PRRC1: variants seen among roughly 807,000 people sequenced by gnomAD.
PRRC1 encodes protein PRRC1.
PRRC1 carries 39 observed loss-of-function variants against 40.7 expected under a neutral mutation model. The observed-to-expected ratio is 0.96, with a 90% CI of 0.74 to 1.25. The LOEUF is 1.25. PRRC1 is among the 50% of genes most tolerant of loss of function. The pLI, the probability that PRRC1 is intolerant of heterozygous loss-of-function variation, is 0.00. For missense variants in PRRC1, 573 were observed against 548.3 expected (o/e 1.05, Z -0.45); for synonymous variants, 175 against 193.3 (o/e 0.91, Z 0.79).
chr5:127,547,727 T>C lies in PRRC1; in HGVS notation c.1026-92T>C, dbSNP rs568083251. On this transcript the variant is annotated intron_variant, in intron 7 of 8. Transcript: ENST00000296666. The stretch of plus-strand genomic sequence containing the variant: ...GATTTCCTTTTTGAAATCTGTTCTA[T>C]CTGAATAATAGTACTTGTTTTTTCT... 17 of 768,642 alleles carry C rather than the reference T, an allele frequency of 2.2e-5. 1 individual carries two copies. The South Asian group carries it at 3.5e-4, about 16-fold the overall frequency. 47.6% of individuals were successfully genotyped at this position (768,642 alleles called of 1,614,324 possible).
At chr5:127,518,106 C>T (rs929151943) in intron 1 of PRRC1, 2 of 152,426 alleles carry the variant, frequency 1.3e-5, no homozygotes, top group Non-Finnish European at 2.9e-5. Context: ...CTGGCCCCAC[C>T]TTCCAGGGCG....
chr5:127,540,887 G>A (rs1050106002), intron 7 of PRRC1, among the ~76,000 whole-genome samples: 1 of 151,966 alleles, frequency 6.6e-6, no homozygotes, highest in African/African-American at 2.4e-5. Context: ...CTCCCATTTT[G>A]TAGGTTGCCT....
chr5:127,551,765 T>C lies in PRRC1; in HGVS notation c.1187T>C (p.Val396Ala). The C allele has an allele frequency of 6.2e-7, 1 of 1,614,078 alleles. No individual in the cohort carries two copies. Among genetic ancestry groups the C allele is most frequent in the Non-Finnish European group, 8.5e-7 (1 of 1,179,984 alleles). ...AGGTGGTCAGGCCTTTTGGTGACAG[T>C]GGGTGAAGTCCTGGAAAAGAGTTTA... ...NLRWSGLLVT[V>A]GEVLEKSLLN... is the part of the protein sequence containing the mutation. Residue 396 changes from valine (V) to alanine (A), a missense_variant, in exon 9 of 9, where the codon GTG (valine) becomes GCG (alanine). Transcript: ENST00000296666.
Position 127,526,700 on chromosome 5 carries a change from C to T in PRRC1, c.576C>T (p.Phe192=), listed in dbSNP as rs542742959. The change falls in exon 4 of 9, where the codon TTC becomes TTT. Residue 192 remains phenylalanine, a synonymous_variant. Coordinates refer to ENST00000296666, the MANE Select transcript of PRRC1 (RefSeq NM_130809.5). ...QGTGTTSAIT[F]PEEQEDPRIT... ...CTGGAACCACATCAGCCATTACTTT[C>T]CCAGAGGAGCAAGAAGACCCTAGAA... The T allele has an allele frequency of 6.2e-6, 10 of 1,613,578 alleles. No individual in the cohort carries two copies. In the African/African-American group the frequency reaches 9.3e-5, roughly 15 times the overall value.
rs966375386 is a variant in PRRC1 at position 127,552,849 on chromosome 5, G to A, written c.*933G>A. ...TTACTTCAATTAAGGTTACTTATTT[G>A]GTTTGCCTTAAGCATTACTTTTTTA... On this transcript the variant is annotated 3_prime_UTR_variant, in exon 9 of 9. Transcript: ENST00000296666. The A allele has an allele frequency of 3.0e-5, 30 of 984,014 alleles. No individual in the cohort carries two copies. Among genetic ancestry groups the A allele is most frequent in the Admixed American group, 6.2e-5 (1 of 16,244 alleles). 61.0% of individuals were successfully genotyped at this position (984,014 alleles called of 1,614,324 possible).
At chr5:127,521,878 G>A (rs10063666) in intron 1 of PRRC1, among the ~76,000 whole-genome samples, 3,922 of 151,906 alleles carry the variant, frequency 0.026, 167 homozygotes, top group African/African-American at 0.09. Context: ...TTCAAATCTC[G>A]GTTTATCTGT....
chr5:127,523,665 A>G (rs1767526688), intron 2 of PRRC1, 83 bp downstream of exon 2: 2 of 712,034 alleles, frequency 2.8e-6, no homozygotes, highest in Non-Finnish European at 4.4e-6. Context: ...TTAAGAAAAG[A>G]ATGCATATAT....
chr5:127,521,838 T>A (rs528072898), intron 1 of PRRC1, among the ~76,000 whole-genome samples: 13 of 152,304 alleles, frequency 8.5e-5, no homozygotes, highest in Non-Finnish European at 1.5e-4. Context: ...GACTCTGCCT[T>A]TCTTCCCTTG....
chr5:127,537,741 G>A (rs760232075), intron 6 of PRRC1, among the ~76,000 whole-genome samples: 1 of 151,814 alleles, frequency 6.6e-6, no homozygotes, highest in Non-Finnish European at 1.5e-5. Context: ...TAGTTTTTAC[G>A]GAATGAATGT....
intron 1 of PRRC1, among the ~76,000 whole-genome samples, chr5:127,522,366 T>G (rs1767481165): frequency 1.3e-5 from 2 of 152,310 alleles, no homozygotes; most frequent in African/African-American, 4.8e-5. Context: ...AAATTGTGAA[T>G]TAATGCTTTT....
At chr5:127,531,819 T>G (rs1439363075) in intron 5 of PRRC1, among the ~76,000 whole-genome samples, 1 of 151,796 alleles carries the variant, frequency 6.6e-6, no homozygotes, top group African/African-American at 2.4e-5. Flanking sequence ...TTCTCCATGT[T>G]GGCCAGGCTG....
chr5:127,540,909 T>C (rs1299034427), intron 7 of PRRC1, among the ~76,000 whole-genome samples: 3 of 152,060 alleles, frequency 2.0e-5, no homozygotes, highest in African/African-American at 7.2e-5. Flanking sequence ...TTCACTCTGA[T>C]GGTAATAGGA....
Position 127,551,949 on chromosome 5 carries a change from C to T in PRRC1, c.*33C>T. The T allele has an allele frequency of 6.2e-7, 1 of 1,612,378 alleles. No homozygotes were observed. Among genetic ancestry groups the T allele is most frequent in the South Asian group, 1.1e-5 (1 of 90,924 alleles). On this transcript the variant is annotated 3_prime_UTR_variant, in exon 9 of 9. Transcript: ENST00000296666. Reference sequence around the variant, plus strand: ...CCTACCTGGGAGACTGAGACTTTCCCCCACTTTTAGCTTGATGTTAAAGAA... The same window carrying T: ...CCTACCTGGGAGACTGAGACTTTCCTCCACTTTTAGCTTGATGTTAAAGAA...
In PRRC1 at chr5:127,552,716, A is replaced by C; in HGVS notation, c.*800A>C. On this transcript the variant is annotated 3_prime_UTR_variant, in exon 9 of 9. Coordinates refer to ENST00000296666, the MANE Select transcript of PRRC1 (RefSeq NM_130809.5). ...ATACTGTTCAGTACTTCCAAGAATA[A>C]GCTCTGACAACAGCCATTGTTTCTG... 1 of 983,386 alleles carries C rather than the reference A, an allele frequency of 1.0e-6. No individual in the cohort carries two copies. Among genetic ancestry groups the C allele is most frequent in the Non-Finnish European group, 1.2e-6 (1 of 827,680 alleles). 60.9% of individuals were successfully genotyped at this position (983,386 alleles called of 1,614,324 possible). A position where few individuals can be genotyped will look rare whatever the true frequency, so the allele number is the denominator to read the frequency against.
rs1767626176 is a variant in PRRC1 at position 127,526,684 on chromosome 5, C to T, written c.560C>T (p.Thr187Ile). Residue 187 changes from threonine to isoleucine, a missense_variant, in exon 4 of 9, where the codon ACA becomes ATA. Transcript: ENST00000296666. ...TCTCTGGCACAGGGAACTGGAACCACATCAGCCATTACTTTCCCAGAGGAG... is the reference window on the plus strand; with the variant it reads ...TCTCTGGCACAGGGAACTGGAACCATATCAGCCATTACTTTCCCAGAGGAG... ...LTSLAQGTGT[T>I]SAITFPEEQE... The T allele has an allele frequency of 6.2e-7, 1 of 1,613,598 alleles. No homozygotes were observed. Among genetic ancestry groups the T allele is most frequent in the Admixed American group, 1.7e-5 (1 of 59,992 alleles).
In PRRC1 at chr5:127,528,460, A is replaced by G. The variant is rs1767683187; in HGVS notation, c.654+1682A>G. The stretch of plus-strand genomic sequence containing the variant: ...CTCCCAAGTAGCTGGGATTACAGGC[A>G]TCTGCCTCCATGCCTGGCTAATTTT... On this transcript the variant is annotated intron_variant, in intron 4 of 8. Coordinates refer to ENST00000296666, the MANE Select transcript of PRRC1 (RefSeq NM_130809.5). 5.9e-5 allele frequency among the ~76,000 whole-genome samples: 9 copies of G among 151,954 alleles called. No individual in the cohort carries two copies. In the South Asian group the frequency reaches 1.9e-3, roughly 32 times the overall value.
intron 5 of PRRC1, 29 bp downstream of exon 5, chr5:127,530,425 CCA>C (rs1482887048): frequency 5.8e-6 from 9 of 1,539,448 alleles, no homozygotes; most frequent in Non-Finnish European, 8.0e-6. Context: ...CCGGTATCTG[CCA>C]TTTTTTTTTT....
intron 4 of PRRC1, 61 bp from the exon 5 acceptor site, chr5:127,530,233 A>G (rs1767730771): frequency 1.4e-6 from 2 of 1,445,302 alleles, no homozygotes; most frequent in South Asian, 1.2e-5. Context: ...CTTCACAATC[A>G]TGAAGATCAT....
intron 1 of PRRC1, among the ~76,000 whole-genome samples, chr5:127,519,049 A>G (rs1237239166): frequency 6.6e-6 from 1 of 152,146 alleles, no homozygotes; most frequent in African/African-American, 2.4e-5. Flanking sequence ...TATTTATTCC[A>G]CTTAATGACT....
Sources: gnomAD v4.1 joint callset for allele counts (sites outside exome capture counted in the v4.1 genomes callset) on GRCh38, gnomAD v4.1.1 for gene constraint, MANE v1.5 for transcripts, NCBI Gene and HGNC (gene_info 2026-07-23, HGNC 2026-07-21) for gene names.